TGS1: variants seen among roughly 807,000 people sequenced by gnomAD.
The protein encoded by TGS1 is trimethylguanosine synthase.
In TGS1, 69 loss-of-function variants were observed where a neutral mutation model predicts 92.2. That is an observed-to-expected ratio of 0.75 (90% confidence interval 0.62 to 0.91). The LOEUF (loss-of-function observed/expected upper bound fraction) is 0.91, where lower values mean the gene tolerates loss of function less well. Ranked by LOEUF, TGS1 falls within the 40% of genes least tolerant of loss-of-function variation. The pLI is 0.00. For synonymous variants in TGS1, 345 were observed against 338.1 expected, an observed-to-expected ratio of 1.02 and a Z score of -0.22; for missense variants, 1,062 against 1,001.2, an observed-to-expected ratio of 1.06 and a Z score of -0.82.
In TGS1 at chr8:55,824,721, G is replaced by A; in HGVS notation, c.*18G>A. ...AAACCTAACTATGCAGCAGTGCGAG[G>A]ACAAAAGATCATGGAGTGGTCAAAA... On this transcript the variant is annotated 3_prime_UTR_variant, in exon 13 of 13. Transcript: ENST00000260129. The A allele has an allele frequency of 1.2e-6, 2 of 1,613,726 alleles. No homozygotes were observed. Among genetic ancestry groups the A allele is most frequent in the Non-Finnish European group, 1.7e-6 (2 of 1,179,834 alleles).
Position 55,787,031 on chromosome 8 carries a change from G to A in TGS1, c.1133G>A (p.Gly378Glu), listed in dbSNP as rs775561738. The A allele has an allele frequency of 2.9e-5, 47 of 1,613,454 alleles. No homozygotes were observed. The highest frequency in any genetic ancestry group is 3.9e-5 in the Non-Finnish European group (46 of 1,179,682). ...ACCAATGAGGAAAGCAACTCATCGG[G>A]GAATACAAACACAGACCCACCAGCT... is the stretch of plus-strand genomic sequence containing the variant. The part of the protein sequence containing the change: ...GGTNEESNSS[G>E]NTNTDPPAED... The change falls in exon 4 of 13, where the codon GGG becomes GAG. Residue 378 changes from glycine to glutamate, a missense_variant. Transcript: ENST00000260129.
At chr8:55,805,493 G>C (rs1036741657) in intron 10 of TGS1, among the ~76,000 whole-genome samples, 9 of 152,150 alleles carry the variant, frequency 5.9e-5, no homozygotes, top group Non-Finnish European at 1.2e-4. Flanking sequence ...ATTTGAGTGG[G>C]CGTGGTGATT....
intron 1 of TGS1, 140 bp from the exon 2 acceptor site, chr8:55,782,608 A>G: frequency 1.7e-6 from 1 of 585,396 alleles, no homozygotes; most frequent in South Asian, 2.8e-5. Context: ...TCTACATTAT[A>G]AGTGAGGGAA....
rs1803764551 is a variant in TGS1, at chr8:55,825,331, G to A, written c.*628G>A. ...CATGTCTTTGCTTCATCTGGAATTG[G>A]CTTAACACCCTTTTATAAAGTTTGT... On this transcript the variant is annotated 3_prime_UTR_variant, in exon 13 of 13. Transcript: ENST00000260129. 1 of 152,032 alleles carries A rather than the reference G, an allele frequency of 6.6e-6. No homozygotes were observed. The highest frequency in any genetic ancestry group is 6.6e-5 in the Admixed American group (1 of 15,236). 9.4% of individuals were successfully genotyped at this position (152,032 alleles called of 1,614,324 possible). A position where few individuals can be genotyped will look rare whatever the true frequency, so the allele number is the denominator to read the frequency against.
intron 10 of TGS1, among the ~76,000 whole-genome samples, chr8:55,805,457 G>A (rs1812339333): frequency 6.6e-6 from 1 of 152,202 alleles, no homozygotes; most frequent in Admixed American, 6.5e-5. Context: ...CATAAAATAT[G>A]CACAAATCTG....
At chr8:55,803,341 C>G (rs1412021889) in intron 9 of TGS1, among the ~76,000 whole-genome samples, 4 of 152,194 alleles carry the variant, frequency 2.6e-5, no homozygotes, top group Admixed American at 2.0e-4. Flanking sequence ...TCTGCAACAG[C>G]TTACTTAACT....
rs3213971 is a variant in TGS1, at chr8:55,786,376, A to C, written c.478A>C (p.Ile160Leu). 82 of 1,613,586 alleles carry C rather than the reference A, an allele frequency of 5.1e-5. No homozygotes were observed. The highest frequency in any genetic ancestry group is 6.8e-5 in the Non-Finnish European group (80 of 1,179,966). The change falls in exon 4 of 13, where the codon ATT becomes CTT. Residue 160 changes from isoleucine (I) to leucine (L), a missense_variant. By Grantham distance (5) the Ile-to-Leu change is conservative. Transcript: ENST00000260129. Reference protein sequence around the residue: ...DILASDDPSSIEQYENTRTYE... With the variant: ...DILASDDPSSLEQYENTRTYE... Reference sequence around the variant, plus strand: ...TTTGGCTTCAGATGATCCATCTTCAATTGAACAGTATGAGAACACCAGAAC... The same window carrying C: ...TTTGGCTTCAGATGATCCATCTTCACTTGAACAGTATGAGAACACCAGAAC...
Position 55,826,052 on chromosome 8 carries a change from G to A in TGS1, c.*1349G>A, listed in dbSNP as rs999574733. Among the ~76,000 whole-genome samples the A allele has an allele frequency of 5.3e-5, 8 of 151,754 alleles. No individual in the cohort carries two copies. Among genetic ancestry groups the A allele is most frequent in the African/African-American group, 1.7e-4 (7 of 41,234 alleles). ...TTTTTAGTAGCTATGGGGTTTCACC[G>A]TGTTAGCCAGGATGGTCTCGATCTC... On this transcript the variant is annotated 3_prime_UTR_variant, in exon 13 of 13. Transcript: ENST00000260129.
intron 4 of TGS1, among the ~76,000 whole-genome samples, chr8:55,787,310 G>A (rs934371208): frequency 3.3e-5 from 5 of 152,112 alleles, no homozygotes; most frequent in Non-Finnish European, 1.5e-5. Flanking sequence ...GGAAAATGTG[G>A]AATCTCTTGA....
At chr8:55,819,589 T>C (rs1803579303) in intron 12 of TGS1, among the ~76,000 whole-genome samples, 1 of 151,886 alleles carries the variant, frequency 6.6e-6, no homozygotes, top group Non-Finnish European at 1.5e-5. Flanking sequence ...TGAGCCACTG[T>C]GCCTGGCTGC....
At chr8:55,785,960 T>C (rs1811697802) in intron 3 of TGS1, 69 bp downstream of exon 3, 1 of 1,330,190 alleles carries the variant, frequency 7.5e-7, no homozygotes, top group Non-Finnish European at 1.0e-6. Flanking sequence ...AAGGAATTAC[T>C]TTTTATCAGA....
At chr8:55,821,976 GAGAT>G (rs34944648) in intron 12 of TGS1, among the ~76,000 whole-genome samples, 20,606 of 151,260 alleles carry the variant, frequency 0.14, 1,518 homozygotes, top group African/African-American at 0.19. Flanking sequence ...CTCTTTTAGG[GAGAT>G]AGACAGTATT....
In TGS1 at chr8:55,786,758, G is replaced by T; in HGVS notation, c.860G>T (p.Cys287Phe). The T allele has an allele frequency of 6.2e-7, 1 of 1,614,164 alleles. No homozygotes were observed. The highest frequency in any genetic ancestry group is 1.3e-5 in the African/African-American group (1 of 75,058). ...TEADDKNDEK[C>F]MKVDLVSFPS... ...GCTGATGACAAGAACGATGAAAAAT[G>T]CATGAAAGTTGACTTAGTATCTTTT... The change falls in exon 4 of 13, where the codon TGC becomes TTC. Residue 287 changes from cysteine (C) to phenylalanine (F), a missense_variant. Physicochemically the swap from Cys to Phe is radical, Grantham distance 205. Transcript: ENST00000260129.
chr8:55,822,960 T>C (rs1803689994), intron 12 of TGS1, among the ~76,000 whole-genome samples: 2 of 152,206 alleles, frequency 1.3e-5, no homozygotes, highest in Non-Finnish European at 2.9e-5. Flanking sequence ...AATACACAAC[T>C]ATAATTTTGC....
chr8:55,802,939 TC>T lies in TGS1; in HGVS notation c.1999+335del, dbSNP rs546350680. On this transcript the variant is annotated intron_variant, in intron 9 of 12. Coordinates refer to ENST00000260129, the MANE Select transcript of TGS1 (RefSeq NM_024831.8). ...GTTTATACTCTAATTTCATTAATTG[TC>T]CTAATCTTGTCCTTTATCACGTTTT... Among the ~76,000 whole-genome samples the T allele has an allele frequency of 5.9e-3, 890 of 151,976 alleles. 5 individuals are homozygous for T. The highest frequency in any genetic ancestry group is 0.02 in the African/African-American group (835 of 41,378).
At chr8:55,802,125 C>T (rs547832911) in intron 8 of TGS1, among the ~76,000 whole-genome samples, 2 of 152,190 alleles carry the variant, frequency 1.3e-5, no homozygotes, top group East Asian at 1.9e-4. Context: ...ACCCGGGAGG[C>T]GGAGCTTGCA....
Position 55,786,689 on chromosome 8 carries a change from C to A in TGS1, c.791C>A (p.Ala264Asp). The A allele has an allele frequency of 6.2e-7, 1 of 1,614,018 alleles. No individual in the cohort carries two copies. The highest frequency in any genetic ancestry group is 1.1e-5 in the South Asian group (1 of 91,070). Residue 264 changes from alanine to aspartate, a missense_variant, in exon 4 of 13, where the codon GCC becomes GAC. Physicochemically the swap from Ala to Asp is moderately radical, Grantham distance 126. Transcript: ENST00000260129. ...YWEAQGWTFD[A>D]SQSCDTDTYT... ...GAAGCTCAGGGTTGGACTTTTGATG[C>A]CTCGCAAAGCTGTGATACAGATACT...
chr8:55,799,382 G>T (rs900905639), intron 8 of TGS1, among the ~76,000 whole-genome samples, 162 bp downstream of exon 8: 5 of 152,042 alleles, frequency 3.3e-5, no homozygotes, highest in Non-Finnish European at 5.9e-5. Flanking sequence ...GTTCTAACTG[G>T]CTATGACTTA....
intron 1 of TGS1, among the ~76,000 whole-genome samples, chr8:55,776,794 T>C (rs13263576): frequency 0.36 from 54,565 of 152,066 alleles, 11,851 homozygotes; most frequent in Non-Finnish European, 0.48. Flanking sequence ...TGTTCTACAT[T>C]TTGTACTGAC....
Sources: gnomAD v4.1 joint callset for allele counts (sites outside exome capture counted in the v4.1 genomes callset) on GRCh38, gnomAD v4.1.1 for gene constraint, MANE v1.5 for transcripts, NCBI Gene and HGNC (gene_info 2026-07-23, HGNC 2026-07-21) for gene names.